Variants in FAM219A observed in about 807,000 individuals in gnomAD.
FAM219A encodes protein FAM219A.
In FAM219A, 7 loss-of-function variants were observed where a neutral mutation model predicts 23.4. The ratio of observed to expected loss-of-function variants is 0.30; its 90% CI spans 0.17 to 0.56. The LOEUF (loss-of-function observed/expected upper bound fraction) is 0.56. Among genes scored for constraint, FAM219A ranks in the 20% least tolerant of loss-of-function variants. The pLI is 0.92. For missense variants in FAM219A, 166 were observed against 246.9 expected (o/e 0.67, Z 2.20); for synonymous variants, 93 against 99.0 (o/e 0.94, Z 0.36).
intron 1 of FAM219A, among the ~76,000 whole-genome samples, chr9:34,449,071 C>T (rs887222597): frequency 1.3e-5 from 2 of 151,580 alleles, no homozygotes; most frequent in Non-Finnish European, 2.9e-5. Context: ...CAGTGGCTCA[C>T]ACCTGTAATC....
chr9:34,444,627 A>G (rs1235887588), intron 1 of FAM219A, among the ~76,000 whole-genome samples: 2 of 152,162 alleles, frequency 1.3e-5, no homozygotes, highest in African/African-American at 4.8e-5. Context: ...CTAATGCTGC[A>G]AAGGGAGAAG....
chr9:34,416,575 C>T (rs1445433597), intron 1 of FAM219A, among the ~76,000 whole-genome samples: 1 of 151,820 alleles, frequency 6.6e-6, no homozygotes, highest in East Asian at 1.9e-4. Context: ...ACCAGCCTGG[C>T]CAACATGGCA....
At chr9:34,433,385 T>A (rs1822785388) in intron 1 of FAM219A, among the ~76,000 whole-genome samples, 1 of 152,160 alleles carries the variant, frequency 6.6e-6, no homozygotes, top group Non-Finnish European at 1.5e-5. Flanking sequence ...TTAAAAAAAA[T>A]TATCAGCCAA....
chr9:34,453,618 T>A (rs1041473615), intron 1 of FAM219A, among the ~76,000 whole-genome samples: 2 of 152,174 alleles, frequency 1.3e-5, no homozygotes, highest in Non-Finnish European at 2.9e-5. Flanking sequence ...ACTAAACAAA[T>A]GAGTTAACTG....
intron 1 of FAM219A, among the ~76,000 whole-genome samples, chr9:34,420,897 T>C (rs1822245146): frequency 6.6e-6 from 1 of 151,946 alleles, no homozygotes; most frequent in Admixed American, 6.6e-5. Context: ...GGAGGATCAC[T>C]TGAGCCTGAG....
chr9:34,416,250 A>G (rs1822014340), intron 1 of FAM219A, among the ~76,000 whole-genome samples: 12 of 97,390 alleles, frequency 1.2e-4, no homozygotes, highest in East Asian at 3.6e-4. Flanking sequence ...AAAGAAAGAA[A>G]GAAAGAAAGG....
At chr9:34,428,078 G>A (rs1202874299) in intron 1 of FAM219A, among the ~76,000 whole-genome samples, 1 of 152,200 alleles carries the variant, frequency 6.6e-6, no homozygotes, top group Non-Finnish European at 1.5e-5. Context: ...TTGTTACTGA[G>A]TTCGGAAGAA....
chr9:34,403,096 C>CG (rs1226724797), intron 2 of FAM219A, among the ~76,000 whole-genome samples: 2 of 152,052 alleles, frequency 1.3e-5, no homozygotes, highest in South Asian at 2.1e-4. Context: ...GAAAGGCTGG[C>CG]GGGGGAGAGA....
Position 34,398,605 on chromosome 9 carries a change from G to A in FAM219A, c.*2359C>T. The A allele has an allele frequency of 1.8e-6, 1 of 556,162 alleles. No individual in the cohort carries two copies. The highest frequency in any genetic ancestry group is 3.2e-6 in the Non-Finnish European group (1 of 310,370). The allele number at this position is 556,162 out of a possible 1,614,324, so 34.5% of individuals were successfully genotyped here. Reference sequence around the variant, plus strand: ...CCTGTGGGGGGGGAGATTTTCCCTGGTGTCTCAGGGCCACAGAGATTGAAC... The same window carrying A: ...CCTGTGGGGGGGGAGATTTTCCCTGATGTCTCAGGGCCACAGAGATTGAAC... On this transcript the variant is annotated 3_prime_UTR_variant, in exon 6 of 6. Coordinates refer to ENST00000651358, the MANE Select transcript of FAM219A (RefSeq NM_001184940.2).
At chr9:34,438,858 C>G (rs1423271735) in intron 1 of FAM219A, among the ~76,000 whole-genome samples, 1 of 152,250 alleles carries the variant, frequency 6.6e-6, no homozygotes, top group Non-Finnish European at 1.5e-5. Flanking sequence ...GCAACCCGCT[C>G]AGGTCCCCAT....
intron 1 of FAM219A, among the ~76,000 whole-genome samples, chr9:34,440,496 C>G (rs1260727415): frequency 2.0e-5 from 3 of 151,900 alleles, no homozygotes; most frequent in Non-Finnish European, 4.4e-5. Flanking sequence ...ACAGAAATGC[C>G]AAAGTACCAG....
intron 1 of FAM219A, among the ~76,000 whole-genome samples, chr9:34,416,101 A>G (rs1821990518): frequency 1.3e-5 from 2 of 151,620 alleles, no homozygotes; most frequent in Non-Finnish European, 2.9e-5. Flanking sequence ...GCCTGAGCCC[A>G]GGAGGTTGAG....
chr9:34,414,997 G>A (rs1233817828), intron 1 of FAM219A, among the ~76,000 whole-genome samples: 1 of 152,096 alleles, frequency 6.6e-6, no homozygotes, highest in Non-Finnish European at 1.5e-5. Context: ...TGTCATCCAA[G>A]CTGGAGTGCA....
chr9:34,406,512 T>A, intron 1 of FAM219A: 5 of 984,644 alleles, frequency 5.1e-6, no homozygotes, highest in Non-Finnish European at 6.0e-6. Flanking sequence ...AAAAAATAGT[T>A]CTAATGAGGA....
chr9:34,443,776 C>T (rs1823270785), intron 1 of FAM219A, among the ~76,000 whole-genome samples: 1 of 152,116 alleles, frequency 6.6e-6, no homozygotes, highest in African/African-American at 2.4e-5. Context: ...CCCACCCCCT[C>T]AAGCATACTC....
At chr9:34,423,803 C>A (rs757831148) in intron 1 of FAM219A, among the ~76,000 whole-genome samples, 21 of 152,114 alleles carry the variant, frequency 1.4e-4, no homozygotes, top group South Asian at 6.2e-4. Flanking sequence ...ATGTTGAGGT[C>A]AAACCGCTGG....
At chr9:34,424,051 AGACT>A (rs1233785636) in intron 1 of FAM219A, among the ~76,000 whole-genome samples, 1 of 152,234 alleles carries the variant, frequency 6.6e-6, no homozygotes, top group Non-Finnish European at 1.5e-5. Context: ...AGTAAGCAGA[AGACT>A]GACAGCTACG....
intron 1 of FAM219A, among the ~76,000 whole-genome samples, chr9:34,421,009 T>TGTGTGAGAGAGAGAGAGAGA (rs1554677406): frequency 2.3e-5 from 2 of 86,358 alleles, no homozygotes; most frequent in South Asian, 4.0e-4. Context: ...TGTGTGTGTG[T>TGTGTGAGAGAGAGAGAGAGA]GAGAGAGAGA....
intron 1 of FAM219A, among the ~76,000 whole-genome samples, chr9:34,449,356 C>CAATAAAGT (rs1370509478): frequency 6.6e-6 from 1 of 152,022 alleles, no homozygotes; most frequent in African/African-American, 2.4e-5. Flanking sequence ...AATTATATCT[C>CAATAAAGT]AATAAAGTTG....
Sources: gnomAD v4.1 joint callset for allele counts (sites outside exome capture counted in the v4.1 genomes callset) on GRCh38, gnomAD v4.1.1 for gene constraint, MANE v1.5 for transcripts, NCBI Gene and HGNC (gene_info 2026-07-23, HGNC 2026-07-21) for gene names.